Variants in LAMA1 observed in about 807,000 individuals in gnomAD.
LAMA1 encodes laminin subunit alpha-1.
Under a neutral mutation model 348.7 loss-of-function variants are expected in LAMA1, and 219 were observed. That is an observed-to-expected ratio of 0.63 (90% CI 0.56 to 0.70). The LOEUF is 0.70. Ranked by LOEUF, LAMA1 falls within the 30% of genes least tolerant of loss-of-function variation. The probability of loss-of-function intolerance (pLI) is 0.00; values close to 1 mark genes in which losing one functional copy is unlikely to be tolerated. For missense variants in LAMA1, 3,744 were observed against 3,888.0 expected, an observed-to-expected ratio of 0.96 and a Z score of 0.99; for synonymous variants, 1,487 against 1,491.0, an observed-to-expected ratio of 1.00 and a Z score of 0.06.
intron 12 of LAMA1, among the ~76,000 whole-genome samples, chr18:7,037,079 G>A (rs1210610521): frequency 6.6e-6 from 1 of 152,190 alleles, no homozygotes; most frequent in Admixed American, 6.5e-5. Context: ...AAAGCAGAAA[G>A]TATTCCATCT....
Position 6,961,581 on chromosome 18 carries a change from C to G in LAMA1, c.7626+5G>C, listed in dbSNP as rs993864360. On this transcript the variant is annotated splice_donor_5th_base_variant and intron_variant, in intron 53 of 62. Transcript: ENST00000389658. The stretch of plus-strand genomic sequence containing the variant: ...TTGGGGCTCAGGAGCACTGGCCCTA[C>G]TCACCACGTGTGCTTCCTCACGATC... 6.2e-7 allele frequency: 1 copy of G among 1,613,140 alleles called. No individual in the cohort carries two copies. Among genetic ancestry groups the G allele is most frequent in the Non-Finnish European group, 8.5e-7 (1 of 1,179,996 alleles).
intron 27 of LAMA1, among the ~76,000 whole-genome samples, chr18:7,008,982 T>C (rs1375402957): frequency 6.6e-6 from 1 of 152,216 alleles, no homozygotes; most frequent in Admixed American, 6.5e-5. Context: ...AGCAATTGTT[T>C]TTTTTGCATT....
At chr18:7,097,403 C>T (rs1023612590) in intron 1 of LAMA1, among the ~76,000 whole-genome samples, 2 of 151,330 alleles carry the variant, frequency 1.3e-5, no homozygotes, top group Non-Finnish European at 2.9e-5. Flanking sequence ...AAAGATATTT[C>T]TTATTCATGA....
rs866844217 is a variant in LAMA1 at position 7,012,171 on chromosome 18, C to T, written c.3364-33G>A. Reference sequence around the variant, plus strand: ...GGAGCAAATAAAGGACTCGTTTTTGCCTAAAAAAGAGATGTGATTTCTGAA... The same window carrying T: ...GGAGCAAATAAAGGACTCGTTTTTGTCTAAAAAAGAGATGTGATTTCTGAA... On this transcript the variant is annotated intron_variant, in intron 23 of 62. Transcript: ENST00000389658. The T allele has an allele frequency of 6.8e-6, 11 of 1,610,482 alleles. 1 individual carries two copies. In the Middle Eastern group the frequency reaches 1.5e-3, roughly 218 times the overall value.
rs370735044 is a variant in LAMA1, at chr18:7,113,904, G to A, written c.61+3756C>T. Among the ~76,000 whole-genome samples, 20 of 152,022 alleles carry A rather than the reference G, an allele frequency of 1.3e-4. No individual in the cohort carries two copies. In the South Asian group the frequency reaches 1.5e-3, roughly 11 times the overall value. ...ATCCTGGCTAACATGGTGAAACCCC[G>A]TCTCTACTAAAGAATACAAAAAATT... On this transcript the variant is annotated intron_variant, in intron 1 of 62. Coordinates refer to ENST00000389658, the MANE Select transcript of LAMA1 (RefSeq NM_005559.4).
At chr18:7,097,415 C>T (rs905296914) in intron 1 of LAMA1, among the ~76,000 whole-genome samples, 1 of 151,038 alleles carries the variant, frequency 6.6e-6, no homozygotes, top group Non-Finnish European at 1.5e-5. Flanking sequence ...TATTCATGAA[C>T]GGGAAGATTC....
chr18:7,114,159 G>T (rs1401454786), intron 1 of LAMA1, among the ~76,000 whole-genome samples: 1 of 151,954 alleles, frequency 6.6e-6, no homozygotes, highest in Non-Finnish European at 1.5e-5. Context: ...TGACCAAATG[G>T]ATTTCAGCAA....
chr18:7,018,550 C>T (rs1475882949), intron 19 of LAMA1, among the ~76,000 whole-genome samples: 1 of 151,404 alleles, frequency 6.6e-6, no homozygotes, highest in Non-Finnish European at 1.5e-5. Context: ...CGCCTGCCAC[C>T]ACGCCTGGCT....
At chr18:7,037,877 A>G (rs1019070631) in intron 11 of LAMA1, 126 bp from the exon 12 acceptor site, 8 of 899,762 alleles carry the variant, frequency 8.9e-6, no homozygotes, top group African/African-American at 6.6e-5. Context: ...TGGCATTAAC[A>G]TAACACCTGT....
At chr18:7,025,579 C>T (rs1448492693) in intron 17 of LAMA1, among the ~76,000 whole-genome samples, 2 of 152,202 alleles carry the variant, frequency 1.3e-5, no homozygotes, top group African/African-American at 4.8e-5. Context: ...ATTTAGACTG[C>T]TCTTGTTTAG....
At chr18:6,976,801 G>C (rs1188867565) in intron 44 of LAMA1, among the ~76,000 whole-genome samples, 1 of 151,762 alleles carries the variant, frequency 6.6e-6, no homozygotes, top group Admixed American at 6.6e-5. Flanking sequence ...GTAGAGACAG[G>C]ATCTTATTAT....
chr18:7,016,763 T>G, intron 20 of LAMA1, 92 bp from the exon 21 acceptor site: 1 of 1,155,692 alleles, frequency 8.7e-7, no homozygotes, highest in African/African-American at 1.5e-5. Context: ...ACACAGGGTA[T>G]TTCATAGAAT....
Position 6,999,392 on chromosome 18 carries a change from G to A in LAMA1, c.4663+53C>T, listed in dbSNP as rs369344390. The A allele has an allele frequency of 3.6e-5, 57 of 1,583,796 alleles. 1 individual carries two copies. The East Asian group carries it at 4.9e-4, about 14-fold the overall frequency. ...AGCGTGCCGTCACCACTTCTTTCCC[G>A]ACACATTTGGGAGGAAAAACCATCT... On this transcript the variant is annotated intron_variant, in intron 32 of 62. Coordinates refer to ENST00000389658, the MANE Select transcript of LAMA1 (RefSeq NM_005559.4).
Position 6,959,658 on chromosome 18 carries a change from T to C in LAMA1, c.7627-166A>G. On this transcript the variant is annotated intron_variant, in intron 53 of 62. Coordinates refer to ENST00000389658, the MANE Select transcript of LAMA1 (RefSeq NM_005559.4). The stretch of plus-strand genomic sequence containing the variant: ...ATGTTACATTTTGTATGTTACTTTC[T>C]AATCTCTGTTCATATAATTTATATT... 4 of 721,926 alleles carry C rather than the reference T, an allele frequency of 5.5e-6. No homozygotes were observed. The South Asian group carries it at 6.3e-5, about 11-fold the overall frequency. 44.7% of individuals were successfully genotyped at this position (721,926 alleles called of 1,614,324 possible). A position where few individuals can be genotyped will look rare whatever the true frequency, so the allele number is the denominator to read the frequency against.
At chr18:7,064,860 G>C (rs1279004395) in intron 3 of LAMA1, among the ~76,000 whole-genome samples, 2 of 152,072 alleles carry the variant, frequency 1.3e-5, no homozygotes, top group African/African-American at 4.8e-5. Context: ...TCTCATGATC[G>C]TCTTGTAAAT....
intron 3 of LAMA1, among the ~76,000 whole-genome samples, chr18:7,060,302 C>T (rs1264535242): frequency 2.6e-5 from 4 of 152,122 alleles, no homozygotes; most frequent in African/African-American, 4.8e-5. Flanking sequence ...GCTTCATAAA[C>T]GAGAAGAACA....
intron 3 of LAMA1, among the ~76,000 whole-genome samples, chr18:7,071,499 G>A (rs184303671): frequency 6.6e-6 from 1 of 152,188 alleles, no homozygotes; most frequent in Admixed American, 6.5e-5. Context: ...GTATACATAC[G>A]AAATGAACCT....
chr18:7,034,354 G>T, intron 14 of LAMA1, 125 bp downstream of exon 14: 1 of 749,012 alleles, frequency 1.3e-6, no homozygotes, highest in Non-Finnish European at 2.3e-6. Context: ...AAGACAGCCA[G>T]ATCCTGTAGC....
intron 34 of LAMA1, among the ~76,000 whole-genome samples, chr18:6,995,023 T>C (rs2057774929): frequency 6.6e-6 from 1 of 152,248 alleles, no homozygotes; most frequent in Non-Finnish European, 1.5e-5. Flanking sequence ...CGTTACTGAA[T>C]GAATTTAGGA....
Sources: allele counts gnomAD v4.1 joint callset (sites outside exome capture counted in the v4.1 genomes callset), GRCh38; gene constraint gnomAD v4.1.1; transcripts MANE v1.5; gene names NCBI Gene and HGNC (gene_info 2026-07-23, HGNC 2026-07-21).